The following SERF2 variants were observed in gnomAD, a reference collection of about 807,000 sequenced individuals.
The protein encoded by SERF2 is gastric cancer-related protein VRG107.
Under a neutral mutation model 10.7 loss-of-function variants are expected in SERF2, and 4 were observed. That is an observed-to-expected ratio of 0.37 (90% confidence interval 0.18 to 0.86). SERF2 has a LOEUF of 0.86. SERF2 is among the 40% of genes least tolerant of loss of function. The pLI, the probability that SERF2 is intolerant of heterozygous loss-of-function variation, is 0.43. For synonymous variants in SERF2, 26 were observed against 26.0 expected (o/e 1.00, Z 0.01); for missense variants, 47 against 79.1 (o/e 0.59, Z 1.54).
Position 43,795,214 on chromosome 15 carries a change from C to G in SERF2, c.*1441C>G, listed in dbSNP as rs768555344. On this transcript the variant is annotated 3_prime_UTR_variant, in exon 3 of 3. Coordinates refer to ENST00000249786, the MANE Select transcript of SERF2 (RefSeq NM_001018108.4). ...CTTTTCCAGTTCTGCTCCCTCATAGCTGTGTAACCAAAGGCTCTGGTTAGA... is the reference window on the plus strand; with the variant it reads ...CTTTTCCAGTTCTGCTCCCTCATAGGTGTGTAACCAAAGGCTCTGGTTAGA... The G allele has an allele frequency of 3.1e-6, 5 of 1,613,880 alleles. No homozygotes were observed. Among genetic ancestry groups the G allele is most frequent in the African/African-American group, 2.7e-5 (2 of 74,888 alleles).
Position 43,792,338 on chromosome 15 carries a change from G to A in SERF2, c.-39G>A. 6.6e-7 allele frequency: 1 copy of A among 1,524,320 alleles called. No individual in the cohort carries two copies. The highest frequency in any genetic ancestry group is 9.1e-7 in the Non-Finnish European group (1 of 1,098,214). The allele number at this position is 1,524,320 out of a possible 1,614,324, so 94.4% of individuals were successfully genotyped here. A position where few individuals can be genotyped will look rare whatever the true frequency, so the allele number is the denominator to read the frequency against. On this transcript the variant is annotated 5_prime_UTR_variant, in exon 1 of 3. Coordinates refer to ENST00000249786, the MANE Select transcript of SERF2 (RefSeq NM_001018108.4). ...GACCTGCAACGTCCGACAGAACGAG[G>A]GGACGTAACGGAGGCAGGTTGGAGC... is the stretch of plus-strand genomic sequence containing the variant.
exon 1 of SERF2, chr15:43,777,430 G>C (rs1187959910): frequency 4.5e-6 from 1 of 223,324 alleles, no homozygotes; most frequent in African/African-American, 2.3e-5. Context: ...GACACGAAGG[G>C]GCACCCGAGA....
Position 43,795,559 on chromosome 15 carries a change from C to G in SERF2, c.*1786C>G. The G allele has an allele frequency of 6.2e-7, 1 of 1,614,048 alleles. No individual in the cohort carries two copies. The highest frequency in any genetic ancestry group is 8.5e-7 in the Non-Finnish European group (1 of 1,179,952). ...CCTTTGCCCTGGAGAGAGGAAATGG[C>G]TGCTGGGAGCAGAGCTGCTGAAACA... On this transcript the variant is annotated 3_prime_UTR_variant, in exon 3 of 3. Coordinates refer to ENST00000249786, the MANE Select transcript of SERF2 (RefSeq NM_001018108.4).
At chr15:43,788,983 A>G (rs886751973), upstream of SERF2, among the ~76,000 whole-genome samples, 1 of 152,140 alleles carries the variant, frequency 6.6e-6, no homozygotes, top group South Asian at 2.1e-4. Flanking sequence ...CCCCGTCTCT[A>G]CCAAAAACAC....
rs2087163423 is a variant in SERF2 at position 43,794,806 on chromosome 15, GCT to G, written c.*1035_*1036del. 3 of 559,508 alleles carry G rather than the reference GCT, an allele frequency of 5.4e-6. No homozygotes were observed. The highest frequency in any genetic ancestry group is 5.0e-5 in the South Asian group (2 of 40,252). The allele number at this position is 559,508 out of a possible 1,614,324, so 34.7% of individuals were successfully genotyped here. ...GAGCTGGGATGCAGATGTAACAGTAGCTCCAGTGAGTCAGACACTCTGCCCAG... is the reference window on the plus strand; with the variant it reads ...GAGCTGGGATGCAGATGTAACAGTAGCCAGTGAGTCAGACACTCTGCCCAG... On this transcript the variant is annotated 3_prime_UTR_variant, in exon 3 of 3. Transcript: ENST00000249786.
intron 1 of SERF2, among the ~76,000 whole-genome samples, chr15:43,782,565 C>T (rs1174076524): frequency 6.6e-6 from 1 of 152,082 alleles, no homozygotes; most frequent in East Asian, 1.9e-4. Context: ...ATATATGGCT[C>T]CAGAGCCCTC....
rs2087189232 is a variant in SERF2 at position 43,795,478 on chromosome 15, A to G, written c.*1705A>G. 1 of 1,614,084 alleles carries G rather than the reference A, an allele frequency of 6.2e-7. No individual in the cohort carries two copies. The highest frequency in any genetic ancestry group is 8.5e-7 in the Non-Finnish European group (1 of 1,180,042). On this transcript the variant is annotated 3_prime_UTR_variant, in exon 3 of 3. Transcript: ENST00000249786. ...AGAATAGTTGTAGGAAAGATGCTGG[A>G]CTTGGACTGGAGGAGCTGGAGGGGT...
At chr15:43,793,104 G>C (rs1395626950) in intron 2 of SERF2, 21 bp downstream of exon 2, 3 of 1,525,838 alleles carry the variant, frequency 2.0e-6, no homozygotes, top group Non-Finnish European at 2.7e-6. Flanking sequence ...GGAGGGGAGG[G>C]AAAGGGACGG....
intron 1 of SERF2, among the ~76,000 whole-genome samples, chr15:43,784,714 C>T (rs1388434810): frequency 4.0e-5 from 6 of 151,804 alleles, no homozygotes; most frequent in Non-Finnish European, 8.8e-5. Context: ...CCTCAGCCTC[C>T]CAAAGTGCTG....
intron 2 of SERF2, chr15:43,785,545 C>A (rs1318152243): frequency 6.6e-6 from 1 of 152,004 alleles, no homozygotes. Context: ...GTGCGTACCA[C>A]CACTCCTGGC....
intron 2 of SERF2, chr15:43,793,366 G>A (rs1249884036): frequency 1.7e-6 from 1 of 586,336 alleles, no homozygotes; most frequent in Non-Finnish European, 3.0e-6. Flanking sequence ...AAATACAGTT[G>A]TGGTTACGGC....
In SERF2 at chr15:43,794,775, G is replaced by C; in HGVS notation, c.*1002G>C. 3.9e-6 allele frequency: 2 copies of C among 506,950 alleles called. No individual in the cohort carries two copies. The highest frequency in any genetic ancestry group is 5.9e-5 in the South Asian group (2 of 33,650). 31.4% of individuals were successfully genotyped at this position (506,950 alleles called of 1,614,324 possible). On this transcript the variant is annotated 3_prime_UTR_variant, in exon 3 of 3. Transcript: ENST00000249786. ...TTTGAGCTGCTGATTTGGGTGTTAG[G>C]CTCTTGAGCTGGGATGCAGATGTAA...
Position 43,793,068 on chromosome 15 carries a change from C to T in SERF2, c.101C>T (p.Ala34Val). 6.2e-7 allele frequency: 1 copy of T among 1,609,744 alleles called. No homozygotes were observed. Among genetic ancestry groups the T allele is most frequent in the Non-Finnish European group, 8.5e-7 (1 of 1,176,306 alleles). ...GKRRDDGLSAAARKQRDSEIM... is the reference protein window; with the variant it reads ...GKRRDDGLSAVARKQRDSEIM... Reference sequence around the variant, plus strand: ...CGCCGAGATGACGGGCTTTCTGCTGCCGCCCGCAAGCAGAGGTAGCCCCAG... The same window carrying T: ...CGCCGAGATGACGGGCTTTCTGCTGTCGCCCGCAAGCAGAGGTAGCCCCAG... The change falls in exon 2 of 3, where the codon GCC becomes GTC. Residue 34 changes from alanine to valine, a missense_variant. By Grantham distance (64) the Ala-to-Val change is moderately conservative. Coordinates refer to ENST00000249786, the MANE Select transcript of SERF2 (RefSeq NM_001018108.4).
At position 43,778,853 on chromosome 15, in the gene SERF2, G is replaced by C. The variant is rs756984264; in HGVS notation, c.-527+1351G>C. Among the ~76,000 whole-genome samples, 104 of 152,090 alleles carry C rather than the reference G, an allele frequency of 6.8e-4. 5 individuals carry two copies. The highest frequency in any genetic ancestry group is 8.8e-5 in the Non-Finnish European group (6 of 68,024). On this transcript the variant is annotated intron_variant, in intron 1 of 4. Transcript: ENST00000381359. ...AGAGGTGAATGTTGCAGTGAGCTGA[G>C]ATCACGCCACTCCACTCCAGCTTAG...
upstream of SERF2, among the ~76,000 whole-genome samples, chr15:43,791,459 A>T (rs1401745303): frequency 1.4e-5 from 2 of 143,332 alleles, no homozygotes; most frequent in East Asian, 2.2e-4. Flanking sequence ...CTGGTCTCGA[A>T]CTCCTGACCT....
upstream of SERF2, chr15:43,791,918 T>C (rs939030497): frequency 4.9e-6 from 1 of 205,860 alleles, no homozygotes; most frequent in Non-Finnish European, 1.0e-5. Flanking sequence ...AGTAGTAGAG[T>C]ACTCGTAACA....
At chr15:43,779,052 G>A (rs2086945723) in intron 1 of SERF2, among the ~76,000 whole-genome samples, 1 of 152,212 alleles carries the variant, frequency 6.6e-6, no homozygotes, top group African/African-American at 2.4e-5. Context: ...TTTTGATGGT[G>A]TAGGAGATTT....
intron 1 of SERF2, among the ~76,000 whole-genome samples, chr15:43,784,679 A>C (rs1478566659): frequency 6.6e-6 from 1 of 151,438 alleles, no homozygotes; most frequent in African/African-American, 2.4e-5. Flanking sequence ...CATGGTCTCG[A>C]TCTCCTGACC....
chr15:43,792,253 C>T (rs941669467), upstream of SERF2: 9 of 859,886 alleles, frequency 1.0e-5, no homozygotes, highest in Non-Finnish European at 1.8e-5. Context: ...GGAGCCGGCT[C>T]CCGGGCGCGA....
Sources: gnomAD v4.1 joint callset for allele counts (sites outside exome capture counted in the v4.1 genomes callset) on GRCh38, gnomAD v4.1.1 for gene constraint, MANE v1.5 for transcripts, NCBI Gene and HGNC (gene_info 2026-07-23, HGNC 2026-07-21) for gene names.